The following AGPAT5 variants were observed in gnomAD, a reference collection of about 807,000 sequenced individuals.
AGPAT5 encodes the protein 1-acylglycerol-3-phosphate O-acyltransferase 5, also known as 1-acyl-sn-glycerol-3-phosphate acyltransferase epsilon.
Under a neutral mutation model 45.6 loss-of-function variants are expected in AGPAT5, and 46 were observed. That is an observed-to-expected ratio of 1.01 (90% CI 0.80 to 1.29). The LOEUF is 1.29. Ranked by LOEUF, AGPAT5 falls within the 50% of genes most tolerant of loss-of-function variation. The pLI is 0.00. For synonymous variants in AGPAT5, 272 were observed against 167.0 expected, an observed-to-expected ratio of 1.63 and a Z score of -4.85; for missense variants, 673 against 450.7, an observed-to-expected ratio of 1.49 and a Z score of -4.47.
chr8:6,736,709 C>G (rs1487800474), intron 4 of AGPAT5, among the ~76,000 whole-genome samples: 2 of 152,260 alleles, frequency 1.3e-5, no homozygotes, highest in Non-Finnish European at 2.9e-5. Flanking sequence ...GGGCCCCACC[C>G]AAACGAGATT....
At chr8:6,715,126 A>G (rs75193536) in intron 1 of AGPAT5, among the ~76,000 whole-genome samples, 1,669 of 152,280 alleles carry the variant, frequency 0.011, 36 homozygotes, top group African/African-American at 0.038. Context: ...TGTTTGATAG[A>G]CAATGTACCT....
In AGPAT5 at chr8:6,720,476, G is replaced by C. The variant is rs115710306; in HGVS notation, c.220-4394G>C. On this transcript the variant is annotated intron_variant, in intron 1 of 7. Transcript: ENST00000285518. ...TTTTGGCAGATGACTTGGGAACAAG[G>C]CTCCTCCATGTTTGTAATGTTGACC... Among the ~76,000 whole-genome samples, 254 of 152,230 alleles carry C rather than the reference G, an allele frequency of 1.7e-3. 1 individual carries two copies. The highest frequency in any genetic ancestry group is 5.8e-3 in the African/African-American group (242 of 41,536).
chr8:6,752,638 C>G (rs1438045189), intron 6 of AGPAT5, among the ~76,000 whole-genome samples: 4 of 152,102 alleles, frequency 2.6e-5, no homozygotes. Context: ...CTCTATTACC[C>G]AAGTGTATCA....
In AGPAT5 at chr8:6,733,844, T is replaced by C. The variant is rs531973339; in HGVS notation, c.495+1194T>C. Among the ~76,000 whole-genome samples the C allele has an allele frequency of 3.8e-4, 58 of 152,360 alleles. 1 individual carries two copies. In the South Asian group the frequency reaches 0.012, roughly 31 times the overall value. On this transcript the variant is annotated intron_variant, in intron 4 of 7. Transcript: ENST00000285518. ...TGTGTCCTGCTGTGGGCATTGTATATATGAAGCAAATGAAGATAGCTGCCT... is the reference window on the plus strand; with the variant it reads ...TGTGTCCTGCTGTGGGCATTGTATACATGAAGCAAATGAAGATAGCTGCCT...
At chr8:6,751,857 C>T (rs1430768443) in intron 6 of AGPAT5, among the ~76,000 whole-genome samples, 2 of 152,090 alleles carry the variant, frequency 1.3e-5, no homozygotes, top group Non-Finnish European at 2.9e-5. Flanking sequence ...AACATATTTA[C>T]TTTCCATTTC....
At chr8:6,717,872 C>G (rs1392873661) in intron 1 of AGPAT5, among the ~76,000 whole-genome samples, 1 of 152,208 alleles carries the variant, frequency 6.6e-6, no homozygotes, top group Non-Finnish European at 1.5e-5. Flanking sequence ...AGTCTTCTCA[C>G]TTGACATTTT....
chr8:6,746,754 A>G (rs1434017167), intron 5 of AGPAT5, among the ~76,000 whole-genome samples: 1 of 152,206 alleles, frequency 6.6e-6, no homozygotes, highest in Non-Finnish European at 1.5e-5. Context: ...TTACTCAGCT[A>G]CTTTCCCTCC....
chr8:6,743,256 C>G (rs534779546), intron 5 of AGPAT5, among the ~76,000 whole-genome samples: 1 of 152,248 alleles, frequency 6.6e-6, no homozygotes, highest in East Asian at 1.9e-4. Flanking sequence ...TCATGGTGGC[C>G]TTCCTCTAAA....
rs1279905960 is a variant in AGPAT5 at position 6,746,526 on chromosome 8, A to G, written c.587-1144A>G. ...TAAAGTTGGATGAGCTCCAGTAGCA[A>G]AGAAGGAAGTGTTAACTAGTTTAAC... is the stretch of plus-strand genomic sequence containing the variant. On this transcript the variant is annotated intron_variant, in intron 5 of 7. Transcript: ENST00000285518. Among the ~76,000 whole-genome samples, 3 of 152,222 alleles carry G rather than the reference A, an allele frequency of 2.0e-5. No individual in the cohort carries two copies. The East Asian group carries it at 5.8e-4, about 29-fold the overall frequency.
At chr8:6,726,057 ATC>A (rs1800676541) in intron 2 of AGPAT5, among the ~76,000 whole-genome samples, 1 of 152,264 alleles carries the variant, frequency 6.6e-6, no homozygotes, top group Non-Finnish European at 1.5e-5. Flanking sequence ...ATCTTGATGT[ATC>A]TGAGTATTTT....
intron 6 of AGPAT5, among the ~76,000 whole-genome samples, chr8:6,751,036 TG>T (rs1214834344): frequency 6.6e-6 from 1 of 152,208 alleles, no homozygotes; most frequent in African/African-American, 2.4e-5. Context: ...CTGCTTTCAT[TG>T]TTTTTTTTTG....
chr8:6,711,076 G>A (rs1444770888), intron 1 of AGPAT5, among the ~76,000 whole-genome samples: 3 of 152,018 alleles, frequency 2.0e-5, no homozygotes, highest in Non-Finnish European at 4.4e-5. Flanking sequence ...ATATTAAAGA[G>A]GCATTTTAAA....
At chr8:6,716,694 G>T (rs1266053662) in intron 1 of AGPAT5, among the ~76,000 whole-genome samples, 3 of 152,036 alleles carry the variant, frequency 2.0e-5, no homozygotes, top group Admixed American at 2.0e-4. Context: ...TTAGCCGGGC[G>T]TGGTGGTGCC....
intron 5 of AGPAT5, 98 bp from the exon 6 acceptor site, chr8:6,747,572 T>C: frequency 9.0e-7 from 1 of 1,115,214 alleles, no homozygotes; most frequent in Non-Finnish European, 1.3e-6. Context: ...GATTCTGTTG[T>C]GTGTGTTTGA....
chr8:6,756,521 G>C (rs939226139), intron 7 of AGPAT5, among the ~76,000 whole-genome samples: 15 of 151,452 alleles, frequency 9.9e-5, no homozygotes, highest in African/African-American at 3.4e-4. Flanking sequence ...AGGAGGCCGA[G>C]GTGCGAGGAT....
Position 6,735,848 on chromosome 8 carries a change from C to CTTTTTTTTTTTTTTTTTTTTTTT in AGPAT5, c.495+3198_495+3199insTTTTTTTTTTTTTTTTTTTTTTT, listed in dbSNP as rs1563295313. Among the ~76,000 whole-genome samples, 15 of 53,614 alleles carry CTTTTTTTTTTTTTTTTTTTTTTT rather than the reference C, an allele frequency of 2.8e-4. 6 individuals are homozygous for CTTTTTTTTTTTTTTTTTTTTTTT. The highest frequency in any genetic ancestry group is 2.3e-4 in the Non-Finnish European group (6 of 25,736). The allele number at this position is 53,614 out of a possible 152,430, so 35.2% of individuals were successfully genotyped here. On this transcript the variant is annotated intron_variant, in intron 4 of 7. Coordinates refer to ENST00000285518, the MANE Select transcript of AGPAT5 (RefSeq NM_018361.5). Reference sequence around the variant, plus strand: ...GTGTTCCTGTTTATTCTTTATATAGCCTTTTTTTTTTTTTTTTTTTTTTTG... The same window carrying CTTTTTTTTTTTTTTTTTTTTTTT: ...GTGTTCCTGTTTATTCTTTATATAGCTTTTTTTTTTTTTTTTTTTTTTTCTTTTTTTTTTTTTTTTTTTTTTTG...
intron 6 of AGPAT5, among the ~76,000 whole-genome samples, chr8:6,749,102 G>A (rs368653360): frequency 5.8e-4 from 89 of 152,346 alleles, no homozygotes; most frequent in African/African-American, 2.1e-3. Context: ...CACTGTCTGT[G>A]TGTCATCTTT....
chr8:6,712,044 C>A (rs750158959), intron 1 of AGPAT5, among the ~76,000 whole-genome samples: 5 of 152,202 alleles, frequency 3.3e-5, no homozygotes, highest in Middle Eastern at 3.2e-3. Context: ...CATTCCCCCA[C>A]AACAATGAAC....
In AGPAT5 at chr8:6,759,082, G is replaced by A. The variant is rs1472064678; in HGVS notation, c.*1694G>A. On this transcript the variant is annotated 3_prime_UTR_variant, in exon 8 of 8. Transcript: ENST00000285518. Reference sequence around the variant, plus strand: ...CACATCCATGGACACTCAGGATATAGTTGGCCTAATAATCGGGGCATGGGT... The same window carrying A: ...CACATCCATGGACACTCAGGATATAATTGGCCTAATAATCGGGGCATGGGT... 6.6e-6 allele frequency: 1 copy of A among 152,218 alleles called. No individual in the cohort carries two copies. The highest frequency in any genetic ancestry group is 1.9e-4 in the East Asian group (1 of 5,196). The allele number at this position is 152,218 out of a possible 1,614,324, so 9.4% of individuals were successfully genotyped here. A position where few individuals can be genotyped will look rare whatever the true frequency, so the allele number is the denominator to read the frequency against.
Sources: allele counts gnomAD v4.1 joint callset (sites outside exome capture counted in the v4.1 genomes callset), GRCh38; gene constraint gnomAD v4.1.1; transcripts MANE v1.5; gene names NCBI Gene and HGNC (gene_info 2026-07-23, HGNC 2026-07-21).